SYT1: variants seen among roughly 807,000 people sequenced by gnomAD.
SYT1 encodes the protein synaptotagmin-1.
In SYT1, 8 loss-of-function variants were observed where a neutral mutation model predicts 44.8. That is an observed-to-expected ratio of 0.18 (90% CI 0.10 to 0.32). The LOEUF (loss-of-function observed/expected upper bound fraction) is 0.32. SYT1 is among the 10% of genes least tolerant of loss of function. The pLI is 1.00. For missense variants in SYT1, 286 were observed against 509.3 expected (o/e 0.56, Z 4.22); for synonymous variants, 154 against 188.8 (o/e 0.82, Z 1.51).
chr12:79,441,690 G>C (rs1266137265), intron 9 of SYT1, among the ~76,000 whole-genome samples: 4 of 152,164 alleles, frequency 2.6e-5, no homozygotes, highest in Non-Finnish European at 5.9e-5. Flanking sequence ...GACAGCCTCT[G>C]CTTACAAAAG....
intron 2 of SYT1, among the ~76,000 whole-genome samples, chr12:79,008,632 A>G (rs1019135264): frequency 1.3e-5 from 2 of 152,124 alleles, no homozygotes; most frequent in African/African-American, 4.8e-5. Context: ...GACAGAATAG[A>G]TAGGTTATGA....
At chr12:79,381,028 A>ACTGT (rs1328789456) in intron 9 of SYT1, among the ~76,000 whole-genome samples, 1 of 152,226 alleles carries the variant, frequency 6.6e-6, no homozygotes, top group African/African-American at 2.4e-5. Context: ...ACTAGGTAAT[A>ACTGT]CTGTCATTAT....
At chr12:78,971,545 A>G (rs1868387613) in intron 1 of SYT1, among the ~76,000 whole-genome samples, 2 of 152,208 alleles carry the variant, frequency 1.3e-5, no homozygotes, top group African/African-American at 2.4e-5. Flanking sequence ...GAAAAATTAT[A>G]TAAAGTTTCT....
chr12:78,967,981 G>A (rs1253991316), intron 1 of SYT1, among the ~76,000 whole-genome samples: 7 of 152,106 alleles, frequency 4.6e-5, no homozygotes, highest in Non-Finnish European at 1.0e-4. Context: ...TGAGAACGAG[G>A]TATGGGATTT....
intron 1 of SYT1, among the ~76,000 whole-genome samples, chr12:78,976,873 C>A: frequency 6.6e-6 from 1 of 152,110 alleles, no homozygotes; most frequent in East Asian, 1.9e-4. Flanking sequence ...AACGTGAATT[C>A]TGTCTACCTG....
At chr12:79,120,482 A>G (rs1879535959) in intron 3 of SYT1, among the ~76,000 whole-genome samples, 1 of 152,200 alleles carries the variant, frequency 6.6e-6, no homozygotes, top group Admixed American at 6.5e-5. Flanking sequence ...AACAGCTTCA[A>G]GGATTTTTAT....
At chr12:79,199,826 C>A (rs1173251538) in intron 3 of SYT1, among the ~76,000 whole-genome samples, 1 of 151,992 alleles carries the variant, frequency 6.6e-6, no homozygotes, top group Non-Finnish European at 1.5e-5. Context: ...AAAATCCTAT[C>A]CCAAAACTCA....
rs567138235 is a variant in SYT1, at chr12:79,114,950, A to G, written c.-18+67588A>G. On this transcript the variant is annotated intron_variant, in intron 3 of 10. Coordinates refer to ENST00000261205, the MANE Select transcript of SYT1 (RefSeq NM_005639.3). ...ATGAAAAACTGGAATATGTTAGTAT[A>G]TGCAATTATTCTACATTTTTGAAAG... Among the ~76,000 whole-genome samples the G allele has an allele frequency of 1.2e-3, 187 of 152,352 alleles. 1 individual carries two copies. The highest frequency in any genetic ancestry group is 2.2e-3 in the Non-Finnish European group (148 of 68,026).
intron 4 of SYT1, among the ~76,000 whole-genome samples, chr12:79,238,704 A>G (rs535970744): frequency 4.6e-5 from 7 of 152,302 alleles, no homozygotes; most frequent in African/African-American, 1.4e-4. Context: ...CTACTTCCAA[A>G]TGCTACCACA....
At chr12:78,999,264 T>C (rs1279138976) in intron 2 of SYT1, among the ~76,000 whole-genome samples, 1 of 152,222 alleles carries the variant, frequency 6.6e-6, no homozygotes, top group East Asian at 1.9e-4. Context: ...CAACATTCTC[T>C]CTAGAAAGGC....
chr12:79,237,320 A>G (rs1277890983), intron 4 of SYT1, among the ~76,000 whole-genome samples: 2 of 152,242 alleles, frequency 1.3e-5, no homozygotes, highest in African/African-American at 4.8e-5. Flanking sequence ...TTGACCACAT[A>G]CAAGTTTAGG....
chr12:79,272,695 A>G (rs1878494549), intron 4 of SYT1, among the ~76,000 whole-genome samples: 1 of 152,218 alleles, frequency 6.6e-6, no homozygotes, highest in Non-Finnish European at 1.5e-5. Context: ...GCATGTGCTC[A>G]ACAATGAGTG....
intron 9 of SYT1, among the ~76,000 whole-genome samples, chr12:79,435,058 A>G (rs1870008828): frequency 2.6e-5 from 4 of 152,172 alleles, no homozygotes; most frequent in South Asian, 4.1e-4. Flanking sequence ...ATGTTAGTCC[A>G]ATCAGAATAC....
intron 3 of SYT1, among the ~76,000 whole-genome samples, chr12:79,079,874 C>A (rs1876909353): frequency 6.6e-6 from 1 of 151,926 alleles, no homozygotes; most frequent in African/African-American, 2.4e-5. Flanking sequence ...GGCCATCTGT[C>A]CTTTGTGCTG....
chr12:79,175,450 A>G (rs933264796), intron 3 of SYT1, among the ~76,000 whole-genome samples: 7 of 152,086 alleles, frequency 4.6e-5, no homozygotes, highest in African/African-American at 1.7e-4. Flanking sequence ...ACATAAAATA[A>G]ATCTAGCTGC....
chr12:79,324,055 A>C (rs1881495183), intron 8 of SYT1, among the ~76,000 whole-genome samples: 1 of 148,194 alleles, frequency 6.7e-6, no homozygotes. Context: ...TGTTCAAGCG[A>C]TTCTCCTGCC....
At chr12:79,119,802 G>GT (rs971077651) in intron 3 of SYT1, among the ~76,000 whole-genome samples, 54 of 148,722 alleles carry the variant, frequency 3.6e-4, no homozygotes, top group South Asian at 8.6e-4. Context: ...TTCATAAGTT[G>GT]TTTTTTTTTT....
At chr12:78,994,044 C>T (rs1870197299) in intron 2 of SYT1, among the ~76,000 whole-genome samples, 1 of 152,188 alleles carries the variant, frequency 6.6e-6, no homozygotes, top group African/African-American at 2.4e-5. Context: ...CAAAACTTTA[C>T]AACTCCTTCA....
intron 3 of SYT1, among the ~76,000 whole-genome samples, chr12:79,198,577 T>A (rs1873595995): frequency 6.6e-6 from 1 of 152,202 alleles, no homozygotes; most frequent in African/African-American, 2.4e-5. Context: ...CTTAAAATTA[T>A]TTTGAAGCAG....
Sources: gnomAD v4.1 joint callset for allele counts (sites outside exome capture counted in the v4.1 genomes callset) on GRCh38, gnomAD v4.1.1 for gene constraint, MANE v1.5 for transcripts, NCBI Gene and HGNC (gene_info 2026-07-23, HGNC 2026-07-21) for gene names.